Variants in B3GALT9 observed in about 807,000 individuals in gnomAD.
B3GALT9 encodes the protein UDP-GlcNAc:betaGal beta-1,3-N-acetylglucosaminyltransferase 10 (putative).
Position 120,793,573 on chromosome 9 carries a change from A to T in B3GALT9, c.-531A>T. On this transcript the variant is annotated 5_prime_UTR_variant, in exon 1 of 3. Transcript: ENST00000689072. ...GCTGAACGCGTGCCGCGCGGCCCTC[A>T]CGGTGCTTAGGCTGGGTGCAACCTA... 1 of 400,096 alleles carries T rather than the reference A, an allele frequency of 2.5e-6. No individual in the cohort carries two copies. The allele number at this position is 400,096 out of a possible 1,614,324, so 24.8% of individuals were successfully genotyped here.
At position 120,800,422 on chromosome 9, in the gene B3GALT9, T is replaced by C. The variant is rs887180403; in HGVS notation, c.*744T>C. Among the ~76,000 whole-genome samples, 2 of 151,286 alleles carry C rather than the reference T, an allele frequency of 1.3e-5. No individual in the cohort carries two copies. The highest frequency in any genetic ancestry group is 2.4e-5 in the African/African-American group (1 of 41,200). Reference sequence around the variant, plus strand: ...GTGTGAGCCACCACGCCTGGCCTAATTTTTGTATTTTTTTATAGAGATGGG... The same window carrying C: ...GTGTGAGCCACCACGCCTGGCCTAACTTTTGTATTTTTTTATAGAGATGGG... On this transcript the variant is annotated 3_prime_UTR_variant, in exon 3 of 3. Transcript: ENST00000689072.
At chr9:120,797,034 G>A (rs747388574) in intron 2 of B3GALT9, among the ~76,000 whole-genome samples, 9 of 133,704 alleles carry the variant, frequency 6.7e-5, no homozygotes, top group Non-Finnish European at 9.4e-5. Flanking sequence ...TCCAGCCTGC[G>A]CCACAGAGTG....
At chr9:120,796,838 C>T (rs529685269) in intron 2 of B3GALT9, among the ~76,000 whole-genome samples, 1 of 152,208 alleles carries the variant, frequency 6.6e-6, no homozygotes, top group East Asian at 1.9e-4. Flanking sequence ...AAGCGGATCA[C>T]CTGAGGTCAG....
In B3GALT9 at chr9:120,799,689, A is replaced by C; in HGVS notation, c.*11A>C. ...TATTTTGCTGATTAGGATTTCTTTA[A>C]TTTTCCTTATGAGTCTACTATTTTA... On this transcript the variant is annotated 3_prime_UTR_variant, in exon 3 of 3. Transcript: ENST00000689072. The C allele has an allele frequency of 2.5e-6, 1 of 398,564 alleles. No individual in the cohort carries two copies. Among genetic ancestry groups the C allele is most frequent in the Non-Finnish European group, 4.4e-6 (1 of 226,028 alleles). 24.7% of individuals were successfully genotyped at this position (398,564 alleles called of 1,614,324 possible). A position where few individuals can be genotyped will look rare whatever the true frequency, so the allele number is the denominator to read the frequency against.
rs887109385 is a variant in B3GALT9, at chr9:120,793,503, G to A, written c.-601G>A. 1 of 399,834 alleles carries A rather than the reference G, an allele frequency of 2.5e-6. No homozygotes were observed. The highest frequency in any genetic ancestry group is 2.1e-5 in the African/African-American group (1 of 48,620). The allele number at this position is 399,834 out of a possible 1,614,324, so 24.8% of individuals were successfully genotyped here. A position where few individuals can be genotyped will look rare whatever the true frequency, so the allele number is the denominator to read the frequency against. On this transcript the variant is annotated 5_prime_UTR_variant, in exon 1 of 3. Transcript: ENST00000689072. ...CCCCGCCCGGAGGTGGGTGGTGGGA[G>A]GCTGGAGGCCGGGAGTAGGGGTGGG... is the stretch of plus-strand genomic sequence containing the variant.
chr9:120,798,415 G>C (rs2044952102), intron 2 of B3GALT9, among the ~76,000 whole-genome samples, 160 bp from the exon 3 acceptor site: 1 of 152,186 alleles, frequency 6.6e-6, no homozygotes, highest in Non-Finnish European at 1.5e-5. Context: ...TGCTGTCCAG[G>C]AGACCATAAT....
In B3GALT9 at chr9:120,799,591, T is replaced by C; in HGVS notation, c.1023T>C (p.Ile341=). The change falls in exon 3 of 3, where the codon ATT becomes ATC. Residue 341 remains isoleucine (I), a synonymous_variant. Coordinates refer to ENST00000689072, the MANE Select transcript of B3GALT9 (RefSeq NM_001386823.1). ...TGTTTGAGACATCCTATGAGCTCAT[T>C]TCCTGCAAACTTCTGACGTACCTTG... is the stretch of plus-strand genomic sequence containing the variant. ...CTLFETSYEL[I]SCKLLTYLDS... 1 of 399,664 alleles carries C rather than the reference T, an allele frequency of 2.5e-6. No individual in the cohort carries two copies. Among genetic ancestry groups the C allele is most frequent in the Non-Finnish European group, 4.4e-6 (1 of 226,202 alleles). 24.8% of individuals were successfully genotyped at this position (399,664 alleles called of 1,614,324 possible).
In B3GALT9 at chr9:120,799,369, G is replaced by A. The variant is rs1171937328; in HGVS notation, c.801G>A (p.Met267Ile). The A allele has an allele frequency of 5.0e-6, 2 of 399,144 alleles. No individual in the cohort carries two copies. The highest frequency in any genetic ancestry group is 4.1e-5 in the African/African-American group (2 of 48,610). 24.7% of individuals were successfully genotyped at this position (399,144 alleles called of 1,614,324 possible). The stretch of plus-strand genomic sequence containing the variant: ...TGGTTTTCAAAGAAGTACCCATGAT[G>A]GTGCCAGCTGATGTGTTTGTAGGAA... ...MYVVFKEVPM[M>I]VPADVFVGIC... The change falls in exon 3 of 3, where the codon ATG becomes ATA. Residue 267 changes from methionine to isoleucine, a missense_variant. Coordinates refer to ENST00000689072, the MANE Select transcript of B3GALT9 (RefSeq NM_001386823.1).
rs542090230 is a variant in B3GALT9 at position 120,799,157 on chromosome 9, C to G, written c.589C>G (p.Leu197Val). 4 of 398,940 alleles carry G rather than the reference C, an allele frequency of 1.0e-5. No homozygotes were observed. Among genetic ancestry groups the G allele is most frequent in the East Asian group, 7.1e-5 (2 of 28,078 alleles). 24.7% of individuals were successfully genotyped at this position (398,940 alleles called of 1,614,324 possible). A position where few individuals can be genotyped will look rare whatever the true frequency, so the allele number is the denominator to read the frequency against. ...CAATCTACCAAGCTTGGTAGACTAT[C>G]TTCTCAATCTGAAAGAACACCTAGA... is the stretch of plus-strand genomic sequence containing the variant. The part of the protein sequence containing the change: ...FVNLPSLVDY[L>V]LNLKEHLEDI... Residue 197 changes from leucine to valine, a missense_variant, in exon 3 of 3, where the codon CTT (leucine) becomes GTT (valine). Physicochemically the swap from Leu to Val is conservative, Grantham distance 32. Transcript: ENST00000689072.
intron 1 of B3GALT9, among the ~76,000 whole-genome samples, chr9:120,795,658 A>T (rs2044934641): frequency 6.6e-6 from 1 of 152,326 alleles, no homozygotes; most frequent in East Asian, 1.9e-4. Flanking sequence ...ATAATTACAA[A>T]AGCTGTTGTA....
At chr9:120,798,041 G>A (rs2044950139) in intron 2 of B3GALT9, among the ~76,000 whole-genome samples, 1 of 152,198 alleles carries the variant, frequency 6.6e-6, no homozygotes, top group African/African-American at 2.4e-5. Flanking sequence ...AGTCATACTA[G>A]AAGAATGTAA....
intron 2 of B3GALT9, among the ~76,000 whole-genome samples, chr9:120,797,207 T>G (rs2044945467): frequency 6.6e-6 from 1 of 151,494 alleles, no homozygotes; most frequent in Admixed American, 6.6e-5. Flanking sequence ...TCTCCAATGG[T>G]TAAGAGCGAG....
rs961819415 is a variant in B3GALT9 at position 120,799,857 on chromosome 9, A to T, written c.*179A>T. ...TCAATTACTGAGATCTCAAATTTTT[A>T]AAAAATTTAAGTTGGTGTAGCATAA... On this transcript the variant is annotated 3_prime_UTR_variant, in exon 3 of 3. Coordinates refer to ENST00000689072, the MANE Select transcript of B3GALT9 (RefSeq NM_001386823.1). The T allele has an allele frequency of 4.1e-5, 16 of 390,950 alleles. No individual in the cohort carries two copies. The highest frequency in any genetic ancestry group is 7.2e-5 in the Non-Finnish European group (16 of 222,196). 24.2% of individuals were successfully genotyped at this position (390,950 alleles called of 1,614,324 possible).
rs2044956274 is a variant in B3GALT9, at chr9:120,799,204, TC to T, written c.637del (p.Leu213PhefsTer36). 2.5e-6 allele frequency: 1 copy of T among 398,970 alleles called. No homozygotes were observed. The highest frequency in any genetic ancestry group is 4.4e-6 in the Non-Finnish European group (1 of 226,100). 24.7% of individuals were successfully genotyped at this position (398,970 alleles called of 1,614,324 possible). On this transcript the variant is annotated frameshift_variant, in exon 3 of 3. Coordinates refer to ENST00000689072, the MANE Select transcript of B3GALT9 (RefSeq NM_001386823.1). LOFTEE classifies it high-confidence loss of function. The stretch of plus-strand genomic sequence containing the variant: ...TAGAAGATATCTATGTAGGAAGAGT[TC>T]TTCATCAGGTTACACCCAATAGAGA... Reference protein sequence around the residue: ...HLEDIYVGRVLHQVTPNRDPQ... With the variant: ...HLEDIYVGRVXHQVTPNRDPQ...
intron 2 of B3GALT9, among the ~76,000 whole-genome samples, chr9:120,797,335 A>G (rs149193734): frequency 0.015 from 2,267 of 151,718 alleles, 45 homozygotes; most frequent in African/African-American, 0.052. Context: ...GCAAAACCCC[A>G]TCTCTACTAA....
intron 2 of B3GALT9, among the ~76,000 whole-genome samples, chr9:120,797,351 C>T (rs1324017894): frequency 3.3e-5 from 5 of 151,798 alleles, no homozygotes; most frequent in Admixed American, 6.6e-5. Flanking sequence ...ACTAAAAATA[C>T]CAAAATTAGC....
intron 2 of B3GALT9, among the ~76,000 whole-genome samples, chr9:120,798,333 C>T (rs1051249539): frequency 6.6e-6 from 1 of 152,226 alleles, no homozygotes; most frequent in African/African-American, 2.4e-5. Flanking sequence ...AACCAACTAA[C>T]ACTTTACTCA....
At position 120,798,593 on chromosome 9, in the gene B3GALT9, C is replaced by T. The variant is rs1361098514; in HGVS notation, c.25C>T (p.Arg9Trp). The stretch of plus-strand genomic sequence containing the variant: ...TTTTTAGGTGACTTTCTGCAGACTT[C>T]GGACTCACCAGTGGTGTTTCATTCT... MQVTFCRL[R>W]THQWCFILFN... is the part of the protein sequence containing the mutation. The change falls in exon 3 of 3, where the codon CGG becomes TGG. Residue 9 changes from arginine (R) to tryptophan (W), a missense_variant. By Grantham distance (101) the Arg-to-Trp change is moderately radical (BLOSUM62 -3). Coordinates refer to ENST00000689072, the MANE Select transcript of B3GALT9 (RefSeq NM_001386823.1). 3 of 399,544 alleles carry T rather than the reference C, an allele frequency of 7.5e-6. No homozygotes were observed. Among genetic ancestry groups the T allele is most frequent in the Admixed American group, 4.4e-5 (1 of 22,706 alleles). 24.7% of individuals were successfully genotyped at this position (399,544 alleles called of 1,614,324 possible).
chr9:120,800,617 A>G lies in B3GALT9; in HGVS notation c.*939A>G, dbSNP rs920515384. On this transcript the variant is annotated 3_prime_UTR_variant, in exon 3 of 3. Coordinates refer to ENST00000689072, the MANE Select transcript of B3GALT9 (RefSeq NM_001386823.1). ...TTTTTTTTATAAACTGACTAGTAAA[A>G]ATTATGTATATTTATGTTGTACAAC... Among the ~76,000 whole-genome samples the G allele has an allele frequency of 8.5e-5, 13 of 152,078 alleles. No individual in the cohort carries two copies. Among genetic ancestry groups the G allele is most frequent in the African/African-American group, 3.1e-4 (13 of 41,416 alleles).
Sources: allele counts gnomAD v4.1 joint callset (sites outside exome capture counted in the v4.1 genomes callset), GRCh38; gene constraint gnomAD v4.1.1; transcripts MANE v1.5; gene names NCBI Gene and HGNC (gene_info 2026-07-23, HGNC 2026-07-21).